Variants in EPHB1 observed in about 807,000 individuals in gnomAD.
EPHB1 encodes the protein ephrin type-B receptor 1.
In EPHB1, 30 loss-of-function variants were observed where a neutral mutation model predicts 94.4. The ratio of observed to expected loss-of-function variants is 0.32; its 90% CI spans 0.24 to 0.43. The LOEUF is 0.43. EPHB1 is among the 20% of genes least tolerant of loss of function. The pLI, the probability that EPHB1 is intolerant of heterozygous loss-of-function variation, is 1.00. For synonymous variants in EPHB1, 522 were observed against 489.1 expected, an observed-to-expected ratio of 1.07 and a Z score of -0.89; for missense variants, 1,055 against 1,308.3, an observed-to-expected ratio of 0.81 and a Z score of 2.99.
chr3:134,806,263 T>C (rs1044692905), intron 1 of EPHB1, among the ~76,000 whole-genome samples: 5 of 152,204 alleles, frequency 3.3e-5, no homozygotes, highest in Non-Finnish European at 5.9e-5. Flanking sequence ...AGTGAAGTCA[T>C]AGAAGGCAAC....
chr3:135,236,702 C>T (rs1377044472), intron 12 of EPHB1, among the ~76,000 whole-genome samples: 1 of 152,128 alleles, frequency 6.6e-6, no homozygotes, highest in Non-Finnish European at 1.5e-5. Context: ...TGCTGCACAA[C>T]AGAAATATTT....
At chr3:134,807,537 G>A (rs528057825) in intron 1 of EPHB1, among the ~76,000 whole-genome samples, 3 of 5,914 alleles carry the variant, frequency 5.1e-4, no homozygotes, top group Non-Finnish European at 8.7e-4. Flanking sequence ...ACGTGTGTGT[G>A]TGTGAGAGAG....
rs755921095 is a variant in EPHB1, at chr3:134,952,034, A to G, written c.787A>G (p.Asn263Asp). The G allele has an allele frequency of 6.2e-7, 1 of 1,608,100 alleles. No individual in the cohort carries two copies. The highest frequency in any genetic ancestry group is 8.5e-7 in the Non-Finnish European group (1 of 1,175,714). Residue 263 changes from asparagine to aspartate, a missense_variant, in exon 3 of 16, where the codon AAC (asparagine) becomes GAC (aspartate). Coordinates refer to ENST00000398015, the MANE Select transcript of EPHB1 (RefSeq NM_004441.5). ...CTCKPGYEPE[N>D]SVACKACPAG... ...CTGCAAGCCTGGCTATGAGCCTGAG[A>G]ACAGCGTGGCATGCAAGGGTAAGCT...
chr3:135,088,515 G>A (rs1261305712), intron 3 of EPHB1, among the ~76,000 whole-genome samples: 1 of 152,126 alleles, frequency 6.6e-6, no homozygotes, highest in African/African-American at 2.4e-5. Context: ...GGGTTGGATG[G>A]CACTCCATGG....
intron 1 of EPHB1, among the ~76,000 whole-genome samples, chr3:134,821,501 G>A (rs930208117): frequency 1.3e-5 from 2 of 151,816 alleles, no homozygotes; most frequent in African/African-American, 4.8e-5. Flanking sequence ...AAGTGAAAAA[G>A]TTAGGGTAAA....
intron 12 of EPHB1, among the ~76,000 whole-genome samples, chr3:135,233,632 CTG>C (rs1198518464): frequency 2.0e-5 from 3 of 152,252 alleles, no homozygotes; most frequent in African/African-American, 7.2e-5. Flanking sequence ...AATGGGGACT[CTG>C]TGTGGGGCTT....
At chr3:134,921,274 G>A (rs2038681038) in intron 1 of EPHB1, among the ~76,000 whole-genome samples, 1 of 152,102 alleles carries the variant, frequency 6.6e-6, no homozygotes, top group South Asian at 2.1e-4. Context: ...TCTGTCCCAA[G>A]AGGCAGGGGG....
At chr3:134,896,686 C>A (rs11929546) in intron 1 of EPHB1, among the ~76,000 whole-genome samples, 1,760 of 152,372 alleles carry the variant, frequency 0.012, 34 homozygotes, top group African/African-American at 0.036. Flanking sequence ...TGCTCTGAAG[C>A]CTTGGCTCAT....
chr3:135,178,630 T>C (rs909140931), intron 9 of EPHB1, among the ~76,000 whole-genome samples: 13 of 151,870 alleles, frequency 8.6e-5, no homozygotes, highest in African/African-American at 2.9e-4. Flanking sequence ...ATGTCAAAAC[T>C]AGAGCTGGGG....
intron 11 of EPHB1, among the ~76,000 whole-genome samples, chr3:135,194,296 C>G (rs183185393): frequency 1.3e-5 from 2 of 152,168 alleles, no homozygotes; most frequent in African/African-American, 4.8e-5. Context: ...CTGCTAGTAC[C>G]CAAAGCTTCT....
intron 1 of EPHB1, among the ~76,000 whole-genome samples, chr3:134,882,747 T>C (rs28478456): frequency 0.02 from 1,183 of 59,454 alleles, 11 homozygotes; most frequent in African/African-American, 0.051. Context: ...TCCTTCTTTC[T>C]TCCTTTCTTC....
chr3:135,152,696 T>G (rs575128805), intron 5 of EPHB1, among the ~76,000 whole-genome samples: 5 of 152,206 alleles, frequency 3.3e-5, no homozygotes, highest in South Asian at 2.1e-4. Context: ...AAGTTGCCCA[T>G]CAGAGTAGTC....
At chr3:135,129,623 G>A (rs993952749) in intron 4 of EPHB1, among the ~76,000 whole-genome samples, 2 of 152,208 alleles carry the variant, frequency 1.3e-5, no homozygotes, top group African/African-American at 4.8e-5. Flanking sequence ...CTGTCTACCA[G>A]GAGGCTACAG....
At position 135,079,614 on chromosome 3, in the gene EPHB1, G is replaced by A. The variant is rs972821372; in HGVS notation, c.806-26834G>A. Reference sequence around the variant, plus strand: ...CATCATCACATAGTGGAGTCCTGCCGTCCTGAGCTCCCTCGTGGCAGCTCT... The same window carrying A: ...CATCATCACATAGTGGAGTCCTGCCATCCTGAGCTCCCTCGTGGCAGCTCT... On this transcript the variant is annotated intron_variant, in intron 3 of 15. Coordinates refer to ENST00000398015, the MANE Select transcript of EPHB1 (RefSeq NM_004441.5). Among the ~76,000 whole-genome samples, 33 of 152,096 alleles carry A rather than the reference G, an allele frequency of 2.2e-4. 1 individual carries two copies. Among genetic ancestry groups the A allele is most frequent in the Admixed American group, 1.5e-3 (23 of 15,274 alleles).
intron 11 of EPHB1, among the ~76,000 whole-genome samples, chr3:135,199,263 C>A (rs1942697986): frequency 6.6e-6 from 1 of 152,146 alleles, no homozygotes; most frequent in Admixed American, 6.5e-5. Flanking sequence ...CTGAGATACA[C>A]CTCTGTAATA....
At chr3:134,881,345 T>C (rs1305548838) in intron 1 of EPHB1, among the ~76,000 whole-genome samples, 2 of 152,024 alleles carry the variant, frequency 1.3e-5, no homozygotes, top group African/African-American at 4.8e-5. Context: ...GGACAAGACA[T>C]GCAGGTATGT....
intron 1 of EPHB1, among the ~76,000 whole-genome samples, chr3:134,826,322 G>C (rs546441337): frequency 1.3e-5 from 2 of 151,644 alleles, no homozygotes; most frequent in Non-Finnish European, 2.9e-5. Context: ...CAATTAGGAA[G>C]TTCTTCTTGT....
intron 12 of EPHB1, among the ~76,000 whole-genome samples, chr3:135,221,185 A>G (rs1199258805): frequency 6.6e-6 from 1 of 152,170 alleles, no homozygotes; most frequent in Non-Finnish European, 1.5e-5. Context: ...CAAGAAGGGG[A>G]TGGGGAGTGG....
At chr3:135,181,699 G>A (rs1044395994) in intron 10 of EPHB1, among the ~76,000 whole-genome samples, 5 of 151,988 alleles carry the variant, frequency 3.3e-5, no homozygotes, top group African/African-American at 1.2e-4. Flanking sequence ...TTTGTCAGAG[G>A]AGGAGTAAAG....
Sources: gnomAD v4.1 joint callset for allele counts (sites outside exome capture counted in the v4.1 genomes callset) on GRCh38, gnomAD v4.1.1 for gene constraint, MANE v1.5 for transcripts, NCBI Gene and HGNC (gene_info 2026-07-23, HGNC 2026-07-21) for gene names.